ANKRD30BL: variants seen among roughly 807,000 people sequenced by gnomAD.
ANKRD30BL encodes the protein putative ankyrin repeat domain-containing protein 30B-like.
A neutral mutation model predicts 18.4 loss-of-function variants in ANKRD30BL; 20 were observed. The observed-to-expected ratio is 1.09, with a 90% CI of 0.77 to 1.58. ANKRD30BL has a LOEUF of 1.58. Among genes scored for constraint, ANKRD30BL ranks in the 40% most tolerant of loss-of-function variants. The pLI is 0.00. For missense variants in ANKRD30BL, 224 were observed against 268.6 expected, an observed-to-expected ratio of 0.83 and a Z score of 1.16; for synonymous variants, 72 against 100.9, an observed-to-expected ratio of 0.71 and a Z score of 1.72.
At position 132,176,205 on chromosome 2, in the gene ANKRD30BL, C is replaced by A. The variant is rs189003996; in HGVS notation, n.442-19059G>T. Among the ~76,000 whole-genome samples the A allele has an allele frequency of 4.5e-4, 68 of 151,546 alleles. No individual in the cohort carries two copies. In the South Asian group the frequency reaches 5.2e-3, roughly 12 times the overall value. ...GGTCAGGAGTTCAAGATCAGCCTGG[C>A]CAACATGGTGAAACCTCACCTCTAT... On this transcript the variant is annotated intron_variant and non_coding_transcript_variant, in intron 1 of 4. Transcript: ENST00000470729.
chr2:132,197,242 G>A (rs1678986963), intron 1 of ANKRD30BL, among the ~76,000 whole-genome samples: 1 of 152,222 alleles, frequency 6.6e-6, no homozygotes, highest in Non-Finnish European at 1.5e-5. Flanking sequence ...AAATAAAAAT[G>A]AATCCATATC....
chr2:132,236,222 A>G (rs900561440), intron 1 of ANKRD30BL, among the ~76,000 whole-genome samples: 7 of 151,984 alleles, frequency 4.6e-5, no homozygotes, highest in African/African-American at 1.7e-4. Context: ...GTTCAACCTA[A>G]AACCATAAAA....
intron 1 of ANKRD30BL, among the ~76,000 whole-genome samples, chr2:132,231,369 C>A (rs955005822): frequency 6.6e-6 from 1 of 152,212 alleles, no homozygotes; most frequent in Non-Finnish European, 1.5e-5. Context: ...CTCTGGTCTA[C>A]AGCTCCCAGC....
At chr2:132,187,208 T>TC (rs1194888878) in intron 1 of ANKRD30BL, among the ~76,000 whole-genome samples, 7 of 146,978 alleles carry the variant, frequency 4.8e-5, no homozygotes, top group Non-Finnish European at 1.0e-4. Flanking sequence ...TTTTTTTTTT[T>TC]TGAGAGACAG....
At chr2:132,240,597 T>G (rs1424279364) in intron 1 of ANKRD30BL, among the ~76,000 whole-genome samples, 6 of 151,858 alleles carry the variant, frequency 4.0e-5, no homozygotes, top group Non-Finnish European at 8.8e-5. Context: ...GAAACATTCT[T>G]TTTGTCAAAA....
At chr2:132,174,114 A>G (rs1688325850) in intron 1 of ANKRD30BL, among the ~76,000 whole-genome samples, 2 of 152,336 alleles carry the variant, frequency 1.3e-5, no homozygotes, top group South Asian at 4.1e-4. Context: ...CATTTGTTCT[A>G]TGACAGATAA....
chr2:132,233,957 G>A (rs914255488), intron 1 of ANKRD30BL, among the ~76,000 whole-genome samples: 2 of 152,076 alleles, frequency 1.3e-5, no homozygotes, highest in African/African-American at 4.8e-5. Context: ...CTCAGCAAAT[G>A]TAAAAGAACA....
chr2:132,183,735 G>GCATATGTATGTATATATT (rs1397348491), intron 1 of ANKRD30BL, among the ~76,000 whole-genome samples: 1 of 151,960 alleles, frequency 6.6e-6, no homozygotes, highest in African/African-American at 2.4e-5. Context: ...ATGTATATAT[G>GCATATGTATGTATATATT]CATATATATG....
At chr2:132,247,641 C>A (rs1680540362) in intron 1 of ANKRD30BL, among the ~76,000 whole-genome samples, 3 of 151,878 alleles carry the variant, frequency 2.0e-5, no homozygotes, top group African/African-American at 7.2e-5. Flanking sequence ...ACTGCAGATA[C>A]TACAAAAAGA....
chr2:132,195,393 C>A (rs1678942154), intron 1 of ANKRD30BL, among the ~76,000 whole-genome samples: 1 of 151,554 alleles, frequency 6.6e-6, no homozygotes, highest in Admixed American at 6.6e-5. Flanking sequence ...ACAAAGAAAC[C>A]TCCTAGAGAT....
chr2:132,220,395 G>A (rs946113480), intron 1 of ANKRD30BL, among the ~76,000 whole-genome samples: 5 of 138,658 alleles, frequency 3.6e-5, no homozygotes, highest in Non-Finnish European at 6.1e-5. Context: ...CTCCTTCCAC[G>A]GTCTCCCTCT....
chr2:132,225,101 C>T (rs550924831), intron 1 of ANKRD30BL, among the ~76,000 whole-genome samples: 10 of 150,874 alleles, frequency 6.6e-5, no homozygotes, highest in Middle Eastern at 3.2e-3. Flanking sequence ...GTAGAATCTG[C>T]AAGTGGATAT....
chr2:132,169,809 CTT>C (rs1429720443), intron 1 of ANKRD30BL, among the ~76,000 whole-genome samples: 1 of 95,514 alleles, frequency 1.0e-5, no homozygotes. Flanking sequence ...GAATTTTATT[CTT>C]CTCCATTTTT....
chr2:132,173,170 T>A (rs1688310661), intron 1 of ANKRD30BL, among the ~76,000 whole-genome samples: 1 of 152,184 alleles, frequency 6.6e-6, no homozygotes, highest in Non-Finnish European at 1.5e-5. Context: ...GTTGTAGTTG[T>A]TACTTTTAAG....
At chr2:132,220,971 G>T (rs1027324488) in intron 1 of ANKRD30BL, among the ~76,000 whole-genome samples, 1 of 151,242 alleles carries the variant, frequency 6.6e-6, no homozygotes. Flanking sequence ...GTCTCTGCCC[G>T]GCCGCCCATC....
At chr2:132,240,526 T>A (rs1349296307) in intron 1 of ANKRD30BL, among the ~76,000 whole-genome samples, 1 of 151,876 alleles carries the variant, frequency 6.6e-6, no homozygotes, top group Non-Finnish European at 1.5e-5. Flanking sequence ...TCTCAGAAAC[T>A]TCCTTTTGAT....
intron 1 of ANKRD30BL, among the ~76,000 whole-genome samples, chr2:132,188,445 G>T (rs1008202450): frequency 2.5e-4 from 38 of 152,294 alleles, no homozygotes; most frequent in African/African-American, 8.9e-4. Context: ...GGCAGGGCGC[G>T]GTGGCTCACG....
chr2:132,185,154 T>C (rs1688541619), intron 1 of ANKRD30BL, among the ~76,000 whole-genome samples: 1 of 152,144 alleles, frequency 6.6e-6, no homozygotes, highest in South Asian at 2.1e-4. Flanking sequence ...GACTAGTAGG[T>C]GTTTCTCAAC....
At position 132,209,878 on chromosome 2, in the gene ANKRD30BL, G is replaced by A. The variant is rs559078615; in HGVS notation, n.441+47651C>T. Among the ~76,000 whole-genome samples, 329 of 149,610 alleles carry A rather than the reference G, an allele frequency of 2.2e-3. 1 individual carries two copies. Among genetic ancestry groups the A allele is most frequent in the African/African-American group, 7.6e-3 (311 of 40,808 alleles). On this transcript the variant is annotated intron_variant and non_coding_transcript_variant, in intron 1 of 4. Transcript: ENST00000470729. The stretch of plus-strand genomic sequence containing the variant: ...ATCTTCACATAAATACTAGACAGAA[G>A]CATTCTGAGAAACTTCTTTGTGATG...
Sources: allele counts gnomAD v4.1 joint callset (sites outside exome capture counted in the v4.1 genomes callset), GRCh38; gene constraint gnomAD v4.1.1; transcripts MANE v1.5; gene names NCBI Gene and HGNC (gene_info 2026-07-23, HGNC 2026-07-21).